TYW1B: variants seen among roughly 807,000 people sequenced by gnomAD.
TYW1B encodes the protein S-adenosyl-L-methionine-dependent tRNA 4-demethylwyosine synthase TYW1B.
A neutral mutation model predicts 86.9 loss-of-function variants in TYW1B; 73 were observed. The ratio of observed to expected loss-of-function variants is 0.84; its 90% CI spans 0.70 to 1.02. The LOEUF (loss-of-function observed/expected upper bound fraction) is 1.02, where lower values mean the gene tolerates loss of function less well. Ranked by LOEUF, TYW1B falls within the 50% of genes least tolerant of loss-of-function variation. TYW1B has a pLI of 0.00. For synonymous variants in TYW1B, 248 were observed against 292.8 expected (o/e 0.85, Z 1.56); for missense variants, 637 against 827.4 (o/e 0.77, Z 2.82).
chr7:72,638,451 T>C (rs1158570631), intron 11 of TYW1B, among the ~76,000 whole-genome samples: 1 of 152,214 alleles, frequency 6.6e-6, no homozygotes, highest in Non-Finnish European at 1.5e-5. Context: ...CCAAAAAGCA[T>C]ATGACACCAT....
intron 10 of TYW1B, among the ~76,000 whole-genome samples, chr7:72,703,024 A>ATTT (rs1248439397): frequency 2.5e-4 from 2 of 8,142 alleles, no homozygotes; most frequent in African/African-American, 3.9e-4. Context: ...ATATATATAT[A>ATTT]TATTTTTTTT....
At chr7:72,784,352 C>A (rs1788093986) in intron 6 of TYW1B, among the ~76,000 whole-genome samples, 1 of 152,200 alleles carries the variant, frequency 6.6e-6, no homozygotes, top group Admixed American at 6.6e-5. Flanking sequence ...AACTTACCAG[C>A]CATCTGATGA....
chr7:72,822,579 T>G (rs1788849883), intron 2 of TYW1B, among the ~76,000 whole-genome samples: 1 of 152,232 alleles, frequency 6.6e-6, no homozygotes, highest in African/African-American at 2.4e-5. Context: ...CTACGCCTTC[T>G]GAGGCAAAAG....
At chr7:72,654,482 A>G (rs1248972227) in intron 11 of TYW1B, among the ~76,000 whole-genome samples, 3 of 152,372 alleles carry the variant, frequency 2.0e-5, no homozygotes, top group African/African-American at 7.2e-5. Context: ...AAGTAAGTCC[A>G]TTAAATGTAA....
At chr7:72,752,200 G>A (rs923889427) in intron 7 of TYW1B, among the ~76,000 whole-genome samples, 16 of 152,144 alleles carry the variant, frequency 1.1e-4, no homozygotes, top group African/African-American at 3.4e-4. Flanking sequence ...AGCAGGGATC[G>A]ACAGCATTTC....
At chr7:72,742,948 T>A (rs1162142373) in intron 8 of TYW1B, among the ~76,000 whole-genome samples, 3 of 152,038 alleles carry the variant, frequency 2.0e-5, no homozygotes, top group African/African-American at 7.2e-5. Flanking sequence ...AGCAAATGGA[T>A]ATAGTGGGTT....
At chr7:72,751,918 G>A (rs1787507817) in intron 7 of TYW1B, among the ~76,000 whole-genome samples, 2 of 152,200 alleles carry the variant, frequency 1.3e-5, no homozygotes, top group African/African-American at 2.4e-5. Flanking sequence ...TGAGGGGGAG[G>A]GAGGGGCTCC....
chr7:72,765,366 T>C (rs527467780), intron 7 of TYW1B, among the ~76,000 whole-genome samples: 2 of 152,324 alleles, frequency 1.3e-5, no homozygotes, highest in Admixed American at 6.5e-5. Flanking sequence ...TTAAAGTTCT[T>C]GTTATCTACG....
intron 11 of TYW1B, among the ~76,000 whole-genome samples, chr7:72,660,418 T>C (rs1301977192): frequency 3.9e-5 from 6 of 152,088 alleles, no homozygotes; most frequent in African/African-American, 1.4e-4. Context: ...AGCAGCAGCA[T>C]GGCTGTTCCA....
intron 7 of TYW1B, among the ~76,000 whole-genome samples, chr7:72,749,915 T>TG (rs1160957137): frequency 6.8e-6 from 1 of 148,048 alleles, no homozygotes; most frequent in Non-Finnish European, 1.5e-5. Context: ...TTTTTTTGTT[T>TG]TTTTTTTTTT....
At chr7:72,661,169 G>A (rs1554444397) in intron 11 of TYW1B, among the ~76,000 whole-genome samples, 1 of 143,474 alleles carries the variant, frequency 7.0e-6, no homozygotes, top group Non-Finnish European at 1.5e-5. Flanking sequence ...AGAATATAAT[G>A]GGAGGAAAAG....
chr7:72,765,937 T>G (rs1554468252), intron 7 of TYW1B, among the ~76,000 whole-genome samples: 1 of 152,220 alleles, frequency 6.6e-6, no homozygotes, highest in African/African-American at 2.4e-5. Flanking sequence ...GAATAAGACT[T>G]CATATCATAA....
At chr7:72,802,921 G>C (rs1554476072) in intron 5 of TYW1B, among the ~76,000 whole-genome samples, 2 of 152,066 alleles carry the variant, frequency 1.3e-5, no homozygotes, top group Admixed American at 6.6e-5. Context: ...GCGCTCGGCT[G>C]TCTATAAATT....
chr7:72,625,422 C>T (rs1227933599), intron 12 of TYW1B, among the ~76,000 whole-genome samples: 1 of 152,064 alleles, frequency 6.6e-6, no homozygotes, highest in African/African-American at 2.4e-5. Flanking sequence ...AGTTCAAGAC[C>T]AGCCTGGGCA....
At chr7:72,731,404 A>C (rs1235498036) in intron 8 of TYW1B, among the ~76,000 whole-genome samples, 36 of 150,508 alleles carry the variant, frequency 2.4e-4, no homozygotes, top group African/African-American at 8.2e-4. Context: ...AAAAAAAAAA[A>C]AAAAAAAAAA....
intron 11 of TYW1B, among the ~76,000 whole-genome samples, chr7:72,657,862 T>C (rs1813241116): frequency 6.6e-6 from 1 of 152,012 alleles, no homozygotes; most frequent in African/African-American, 2.4e-5. Context: ...AGTGAAAGAA[T>C]ATCTACCATC....
Position 72,616,754 on chromosome 7 carries a change from C to T in TYW1B, c.1703G>A (p.Arg568His), listed in dbSNP as rs374889237. 274 of 1,614,228 alleles carry T rather than the reference C, an allele frequency of 1.7e-4. No homozygotes were observed. Among genetic ancestry groups the T allele is most frequent in the Admixed American group, 1.6e-3 (94 of 60,028 alleles). ...PWHEEVVQFV[R>H]ELVDLIPEYE... ...TTCGGGGATCAGATCCACCAGCTCG[C>T]GGACAAACTGTACCACTTCCTCATG... The change falls in exon 13 of 14, where the codon CGC (arginine) becomes CAC (histidine). Residue 568 changes from arginine to histidine, a missense_variant. Arg to His is a conservative substitution (Grantham distance 29). Transcript: ENST00000620995.
rs184374920 is a variant in TYW1B, at chr7:72,681,692, T to G, written c.1506+12995A>C. ...TCACTGCAAGCTCCACCTCCCAGGT[T>G]CACATCATTCTCCTGCCTCAGCCTC... On this transcript the variant is annotated intron_variant, in intron 11 of 13. Coordinates refer to ENST00000620995, the MANE Select transcript of TYW1B (RefSeq NM_001145440.3). 6.9e-3 allele frequency among the ~76,000 whole-genome samples: 1,050 copies of G among 151,362 alleles called. 16 individuals carry two copies. The highest frequency in any genetic ancestry group is 0.025 in the African/African-American group (1,022 of 41,230).
chr7:72,649,012 G>A (rs144848245), intron 11 of TYW1B, among the ~76,000 whole-genome samples: 2,555 of 152,266 alleles, frequency 0.017, 65 homozygotes, highest in African/African-American at 0.058. Flanking sequence ...GTAGTATGGA[G>A]CAATGTTTCC....
Sources: allele counts gnomAD v4.1 joint callset (sites outside exome capture counted in the v4.1 genomes callset), GRCh38; gene constraint gnomAD v4.1.1; transcripts MANE v1.5; gene names NCBI Gene and HGNC (gene_info 2026-07-23, HGNC 2026-07-21).